Variants in GNLY observed in about 807,000 individuals in gnomAD.
GNLY encodes the protein T-cell activation protein 519.
In GNLY, 15 loss-of-function variants were observed where a neutral mutation model predicts 18.5. The observed-to-expected ratio is 0.81, with a 90% CI of 0.54 to 1.25. The LOEUF (loss-of-function observed/expected upper bound fraction) is 1.25. Among genes scored for constraint, GNLY ranks in the 50% most tolerant of loss-of-function variants. GNLY has a pLI of 0.00. For missense variants in GNLY, 178 were observed against 186.9 expected (o/e 0.95, Z 0.28); for synonymous variants, 77 against 74.9 (o/e 1.03, Z -0.14).
rs1024319778 is a variant in GNLY at position 85,695,150 on chromosome 2, T to C, written c.53-170T>C. The C allele has an allele frequency of 8.7e-5, 77 of 880,648 alleles. No homozygotes were observed. In the Admixed American group the frequency reaches 1.7e-3, roughly 19 times the overall value. 54.6% of individuals were successfully genotyped at this position (880,648 alleles called of 1,614,324 possible). On this transcript the variant is annotated intron_variant, in intron 1 of 4. Coordinates refer to ENST00000263863, the MANE Select transcript of GNLY (RefSeq NM_006433.5). The stretch of plus-strand genomic sequence containing the variant: ...TGAGAACACGTGTTTGTGCTGAGAG[T>C]GGGTCAGAGCGGCTCCAGGGCAAAG...
At chr2:85,698,191 G>A (rs1203688554) in intron 4 of GNLY, among the ~76,000 whole-genome samples, 1 of 152,216 alleles carries the variant, frequency 6.6e-6, no homozygotes, top group Non-Finnish European at 1.5e-5. Context: ...CTTCAGGCAG[G>A]GGAGCATGAG....
chr2:85,694,782 C>A, intron 1 of GNLY: 1 of 1,446,974 alleles, frequency 6.9e-7, no homozygotes, highest in Non-Finnish European at 9.0e-7. Flanking sequence ...GTGGTGAAGG[C>A]CATTGGCCCT....
intron 4 of GNLY, 25 bp downstream of exon 4, chr2:85,697,702 A>T (rs200186876): frequency 1.2e-5 from 18 of 1,540,328 alleles, no homozygotes; most frequent in Non-Finnish European, 1.6e-5. Context: ...GACAGCAGGG[A>T]TACCTCCTGA....
Position 85,695,443 on chromosome 2 carries a change from T to C in GNLY, c.156+20T>C, listed in dbSNP as rs765196082. ...CCCCAGGTACGTGTTGGCTCTCTGC[T>C]CACCTGCCACAGTCCCTCTCCTTTC... On this transcript the variant is annotated intron_variant, in intron 2 of 4. Coordinates refer to ENST00000263863, the MANE Select transcript of GNLY (RefSeq NM_006433.5). 7.1e-7 allele frequency: 1 copy of C among 1,399,470 alleles called. No homozygotes were observed. Among genetic ancestry groups the C allele is most frequent in the Non-Finnish European group, 1.0e-6 (1 of 986,026 alleles). 86.7% of individuals were successfully genotyped at this position (1,399,470 alleles called of 1,614,324 possible). A position where few individuals can be genotyped will look rare whatever the true frequency, so the allele number is the denominator to read the frequency against.
Position 85,697,621 on chromosome 2 carries a change from C to T in GNLY, c.371C>T (p.Ala124Val). 1 of 1,613,514 alleles carries T rather than the reference C, an allele frequency of 6.2e-7. No individual in the cohort carries two copies. The highest frequency in any genetic ancestry group is 8.5e-7 in the Non-Finnish European group (1 of 1,179,430). ...TCTAGAGTTACCCAGGGCCTCGTGG[C>T]CGGAGAAACTGCCCAGCAGATCTGT... is the stretch of plus-strand genomic sequence containing the variant. ...YQSRVTQGLV[A>V]GETAQQICED... The change falls in exon 4 of 5, where the codon GCC becomes GTC. Residue 124 changes from alanine (A) to valine (V), a missense_variant. Ala to Val is a moderately conservative substitution (Grantham distance 64). Transcript: ENST00000263863.
intron 4 of GNLY, 83 bp downstream of exon 4, chr2:85,697,760 T>C: frequency 1.1e-6 from 1 of 883,864 alleles, no homozygotes; most frequent in African/African-American, 1.6e-5. Context: ...GCCTCCTTAC[T>C]CCCCCATCTC....
chr2:85,698,665 G>C lies in GNLY; in HGVS notation c.*91G>C. ...ACCTCTGCCGGCTCCTCGCTTCCTC[G>C]ATCCAGAATCCACTCTCCAGTCTCC... is the stretch of plus-strand genomic sequence containing the variant. On this transcript the variant is annotated 3_prime_UTR_variant, in exon 5 of 5. Coordinates refer to ENST00000263863, the MANE Select transcript of GNLY (RefSeq NM_006433.5). The C allele has an allele frequency of 6.2e-7, 1 of 1,609,150 alleles. No individual in the cohort carries two copies. Among genetic ancestry groups the C allele is most frequent in the African/African-American group, 1.3e-5 (1 of 74,958 alleles).
intron 1 of GNLY, 125 bp from the exon 2 acceptor site, chr2:85,695,195 G>A (rs993503116): frequency 1.2e-5 from 10 of 819,886 alleles, no homozygotes; most frequent in Non-Finnish European, 2.0e-5. Flanking sequence ...AGGTATCCTG[G>A]CCCCCTGCAA....
chr2:85,694,869 T>G (rs2043760), intron 1 of GNLY: 8 of 1,536,190 alleles, frequency 5.2e-6, no homozygotes, highest in Non-Finnish European at 7.0e-6. Context: ...AGATCTCTTC[T>G]GTGTTCAAGG....
In GNLY at chr2:85,697,535, G is replaced by C; in HGVS notation, c.285G>C (p.Val95=). ...QRSVSNAATR[V]CRTGRSRWRD... ...GTGTTTCCAATGCTGCGACCCGGGTGTGTAGGACGGGGAGGTCACGATGGC... is the reference window on the plus strand; with the variant it reads ...GTGTTTCCAATGCTGCGACCCGGGTCTGTAGGACGGGGAGGTCACGATGGC... Residue 95 remains valine (V), a synonymous_variant, in exon 4 of 5, where the codon GTG becomes GTC. Coordinates refer to ENST00000263863, the MANE Select transcript of GNLY (RefSeq NM_006433.5). The C allele has an allele frequency of 6.2e-7, 1 of 1,612,984 alleles. No individual in the cohort carries two copies. Among genetic ancestry groups the C allele is most frequent in the Non-Finnish European group, 8.5e-7 (1 of 1,179,948 alleles).
At chr2:85,698,379 T>C (rs1378533954) in intron 4 of GNLY, 185 bp from the exon 5 acceptor site, 1 of 898,636 alleles carries the variant, frequency 1.1e-6, no homozygotes, top group South Asian at 1.3e-5. Flanking sequence ...CATTGGAGCT[T>C]GTGGCTTTTC....
intron 4 of GNLY, among the ~76,000 whole-genome samples, chr2:85,698,141 C>T (rs1678532180): frequency 6.6e-6 from 1 of 152,236 alleles, no homozygotes; most frequent in Non-Finnish European, 1.5e-5. Flanking sequence ...GCCATATCCT[C>T]CCCCACAATC....
At chr2:85,698,478 A>G (rs778052070) in intron 4 of GNLY, 86 bp from the exon 5 acceptor site, 1 of 1,608,016 alleles carries the variant, frequency 6.2e-7, no homozygotes. Context: ...TGGCTCTGGG[A>G]CCTTAAGCAA....
In GNLY at chr2:85,698,784, G is replaced by T; in HGVS notation, c.*210G>T. ...GCTGCTTCTTCTTTGGTGGATTTGA[G>T]GGGTGGGTGTCAGTGGCATGCTGGG... On this transcript the variant is annotated 3_prime_UTR_variant, in exon 5 of 5. Transcript: ENST00000263863. 1 of 1,502,864 alleles carries T rather than the reference G, an allele frequency of 6.7e-7. No individual in the cohort carries two copies. Among genetic ancestry groups the T allele is most frequent in the South Asian group, 1.3e-5 (1 of 78,790 alleles). The allele number at this position is 1,502,864 out of a possible 1,614,324, so 93.1% of individuals were successfully genotyped here.
At chr2:85,695,109 C>A in intron 1 of GNLY, 1 of 1,119,684 alleles carries the variant, frequency 8.9e-7, no homozygotes, top group Non-Finnish European at 1.3e-6. Context: ...GCCCTCCTGG[C>A]TTTCTAGAAG....
chr2:85,697,415 TC>T, intron 3 of GNLY, 90 bp from the exon 4 acceptor site: 1 of 1,123,618 alleles, frequency 8.9e-7, no homozygotes, highest in Non-Finnish European at 1.3e-6. Context: ...CACCCAGTAC[TC>T]CCATTGCTAG....
intron 4 of GNLY, 165 bp from the exon 5 acceptor site, chr2:85,698,399 C>T (rs1159868876): frequency 9.3e-7 from 1 of 1,080,002 alleles, no homozygotes; most frequent in Non-Finnish European, 1.4e-6. Flanking sequence ...CTATTCAAGG[C>T]CCCACAACCT....
At chr2:85,696,917 CTG>C (rs1206486143) in intron 3 of GNLY, 3 of 155,900 alleles carry the variant, frequency 1.9e-5, no homozygotes, top group East Asian at 1.9e-4. Flanking sequence ...TAACGAATGA[CTG>C]TGTTACTACC....
Position 85,698,566 on chromosome 2 carries a change from C to A in GNLY, c.430C>A (p.Pro144Thr), listed in dbSNP as rs764377171. 6.2e-7 allele frequency: 1 copy of A among 1,612,716 alleles called. No individual in the cohort carries two copies. The highest frequency in any genetic ancestry group is 8.5e-7 in the Non-Finnish European group (1 of 1,178,956). The change falls in exon 5 of 5, where the codon CCC (proline) becomes ACC (threonine). Residue 144 changes from proline (P) to threonine (T), a missense_variant and splice_region_variant. Physicochemically the swap from Pro to Thr is conservative, Grantham distance 38. Coordinates refer to ENST00000263863, the MANE Select transcript of GNLY (RefSeq NM_006433.5). ...GCTGGCTGTTCTCTCCTCTCCAGGT[C>A]CCCTCTGAGCCCTCTCACCTTGTCC... ...DLRLCIPSTG[P>T]L
Sources: allele counts gnomAD v4.1 joint callset (sites outside exome capture counted in the v4.1 genomes callset), GRCh38; gene constraint gnomAD v4.1.1; transcripts MANE v1.5; gene names NCBI Gene and HGNC (gene_info 2026-07-23, HGNC 2026-07-21).